Variants in GABRB1 observed in about 807,000 individuals in gnomAD.
GABRB1 encodes gamma-aminobutyric acid receptor subunit beta-1.
Under a neutral mutation model 51.6 loss-of-function variants are expected in GABRB1, and 17 were observed. That is an observed-to-expected ratio of 0.33 (90% CI 0.23 to 0.49). The LOEUF (loss-of-function observed/expected upper bound fraction) is 0.49. GABRB1 is among the 20% of genes least tolerant of loss of function. The probability of loss-of-function intolerance (pLI) is 0.99; values close to 1 mark genes in which losing one functional copy is unlikely to be tolerated. For missense variants in GABRB1, 410 were observed against 600.6 expected, an observed-to-expected ratio of 0.68 and a Z score of 3.32; for synonymous variants, 247 against 218.9, an observed-to-expected ratio of 1.13 and a Z score of -1.14.
intron 8 of GABRB1, among the ~76,000 whole-genome samples, chr4:47,424,812 T>C (rs1048367223): frequency 7.9e-5 from 12 of 152,134 alleles, no homozygotes; most frequent in Non-Finnish European, 1.3e-4. Context: ...TGTGCTCACA[T>C]TTTCTGTAGT....
intron 5 of GABRB1, among the ~76,000 whole-genome samples, chr4:47,324,049 T>A (rs541166015): frequency 5.3e-5 from 8 of 152,074 alleles, no homozygotes; most frequent in African/African-American, 1.9e-4. Flanking sequence ...GATGAAGGAA[T>A]CAGGTAGTGC....
At position 47,141,092 on chromosome 4, in the gene GABRB1, A is replaced by T. The variant is rs190327348; in HGVS notation, c.241-20157A>T. ...GTTAGAGTGTACAACAGTTTTTTTT[A>T]AAAAAAAACAACTAATATCGCTATA... is the stretch of plus-strand genomic sequence containing the variant. On this transcript the variant is annotated intron_variant, in intron 3 of 8. Transcript: ENST00000295454. 1.1e-3 allele frequency among the ~76,000 whole-genome samples: 165 copies of T among 151,488 alleles called. 1 individual carries two copies. Among genetic ancestry groups the T allele is most frequent in the African/African-American group, 1.9e-3 (77 of 41,396 alleles).
chr4:47,328,354 TGC>T (rs1725332364), intron 5 of GABRB1, among the ~76,000 whole-genome samples: 1 of 152,212 alleles, frequency 6.6e-6, no homozygotes, highest in Admixed American at 6.5e-5. Context: ...TTGTTGCCAT[TGC>T]TTTTGGTGTT....
chr4:47,425,774 T>C lies in GABRB1; in HGVS notation c.1181T>C (p.Met394Thr). ...AGCGTGAGCGACCCCAAGGCCACCATGTACTCCTATGACAGCGCCAGCATC... is the reference window on the plus strand; with the variant it reads ...AGCGTGAGCGACCCCAAGGCCACCACGTACTCCTATGACAGCGCCAGCATC... ...LTSVSDPKATMYSYDSASIQY... is the reference protein window; with the variant it reads ...LTSVSDPKATTYSYDSASIQY... Residue 394 changes from methionine to threonine, a missense_variant, in exon 9 of 9, where the codon ATG becomes ACG. This residue lies in a region of GABRB1 where 181 missense variants were observed against 195.6 expected (regional missense o/e 0.93). Transcript: ENST00000295454. 3 of 1,614,130 alleles carry C rather than the reference T, an allele frequency of 1.9e-6. No individual in the cohort carries two copies. The highest frequency in any genetic ancestry group is 4.5e-5 in the East Asian group (2 of 44,878).
intron 4 of GABRB1, among the ~76,000 whole-genome samples, chr4:47,317,867 C>T (rs756469394): frequency 1.3e-4 from 19 of 151,908 alleles, no homozygotes; most frequent in Non-Finnish European, 2.4e-4. Flanking sequence ...TATTCACATA[C>T]GGTGAATCAT....
chr4:47,423,612 G>A (rs1212694568), intron 8 of GABRB1, among the ~76,000 whole-genome samples: 1 of 152,182 alleles, frequency 6.6e-6, no homozygotes, highest in Admixed American at 6.5e-5. Flanking sequence ...AGGTGCCTAT[G>A]GGCAGGCAAA....
chr4:47,024,263 A>G (rs1725017452), intron 1 of GABRB1, among the ~76,000 whole-genome samples: 1 of 151,928 alleles, frequency 6.6e-6, no homozygotes, highest in Non-Finnish European at 1.5e-5. Context: ...TTTACTTCCT[A>G]TACTTCATGA....
At chr4:47,129,173 C>T (rs1250362339) in intron 3 of GABRB1, among the ~76,000 whole-genome samples, 1 of 152,090 alleles carries the variant, frequency 6.6e-6, no homozygotes, top group East Asian at 1.9e-4. Context: ...GGTGGAATAT[C>T]TCCATGTGAG....
At chr4:47,022,043 C>A (rs553856524) in intron 1 of GABRB1, among the ~76,000 whole-genome samples, 1 of 152,120 alleles carries the variant, frequency 6.6e-6, no homozygotes, top group East Asian at 1.9e-4. Flanking sequence ...CCTCCTCTAA[C>A]TCATAATTAG....
intron 4 of GABRB1, among the ~76,000 whole-genome samples, chr4:47,269,933 C>A (rs1722791660): frequency 7.6e-6 from 1 of 130,918 alleles, no homozygotes; most frequent in Non-Finnish European, 1.6e-5. Flanking sequence ...GTCAACTCTC[C>A]CTACACACAC....
Position 46,994,514 on chromosome 4 carries a change from C to CAGAG in GABRB1, c.-20+607_-20+610dup, listed in dbSNP as rs139375755. The CAGAG allele has an allele frequency of 1.9e-3, 229 of 120,982 alleles. 2 individuals carry two copies. The highest frequency in any genetic ancestry group is 6.8e-3 in the African/African-American group (212 of 31,094). 7.5% of individuals were successfully genotyped at this position (120,982 alleles called of 1,614,324 possible). On this transcript the variant is annotated intron_variant, in intron 1 of 3. Transcript: ENST00000513567. ...AGAGAGAGAGAGAGACAGAGAGAGA[C>CAGAG]AGAGAGAGAGAGAGAGAGAGAGGCA...
intron 3 of GABRB1, among the ~76,000 whole-genome samples, chr4:47,101,333 C>A (rs1469784649): frequency 6.6e-6 from 1 of 151,850 alleles, no homozygotes; most frequent in African/African-American, 2.4e-5. Context: ...AACCTCAAAA[C>A]AAGGGGAACA....
intron 4 of GABRB1, among the ~76,000 whole-genome samples, chr4:47,291,219 A>T (rs1723717793): frequency 6.6e-6 from 1 of 152,216 alleles, no homozygotes; most frequent in Admixed American, 6.5e-5. Context: ...CTGTTGCTCC[A>T]GAGGACGGAA....
intron 4 of GABRB1, among the ~76,000 whole-genome samples, chr4:47,299,367 T>G (rs1309728700): frequency 6.6e-6 from 1 of 152,128 alleles, no homozygotes; most frequent in East Asian, 1.9e-4. Flanking sequence ...CTCCAGAATC[T>G]ACGATGAACT....
chr4:47,089,322 T>C (rs1728203187), intron 3 of GABRB1, among the ~76,000 whole-genome samples: 1 of 152,174 alleles, frequency 6.6e-6, no homozygotes, highest in African/African-American at 2.4e-5. Flanking sequence ...TTTGCAATAG[T>C]ACCGGGACCT....
At position 47,117,301 on chromosome 4, in the gene GABRB1, C is replaced by T. The variant is rs182033047; in HGVS notation, c.241-43948C>T. ...TCGCTCATATAAAAATATTTAAAAT[C>T]CCTATATAATATGCATCCCTATATA... On this transcript the variant is annotated intron_variant, in intron 3 of 8. Coordinates refer to ENST00000295454, the MANE Select transcript of GABRB1 (RefSeq NM_000812.4). 1.4e-4 allele frequency among the ~76,000 whole-genome samples: 22 copies of T among 152,266 alleles called. No homozygotes were observed. The East Asian group carries it at 4.2e-3, about 29-fold the overall frequency.
chr4:47,132,651 C>T (rs544986048), intron 3 of GABRB1, among the ~76,000 whole-genome samples: 16 of 152,132 alleles, frequency 1.1e-4, no homozygotes, highest in Non-Finnish European at 2.2e-4. Context: ...ACTGGAAATA[C>T]TCAACAAATA....
At chr4:47,034,758 A>T (rs1454863507) in intron 3 of GABRB1, among the ~76,000 whole-genome samples, 5 of 152,190 alleles carry the variant, frequency 3.3e-5, no homozygotes, top group African/African-American at 4.8e-5. Flanking sequence ...TAATGTTTTT[A>T]AAATTGAGGG....
At chr4:47,145,949 A>T (rs1717152025) in intron 3 of GABRB1, among the ~76,000 whole-genome samples, 1 of 152,044 alleles carries the variant, frequency 6.6e-6, no homozygotes, top group African/African-American at 2.4e-5. Flanking sequence ...TTTCTTCTTA[A>T]AACTCTCCGT....
Sources: allele counts gnomAD v4.1 joint callset (sites outside exome capture counted in the v4.1 genomes callset), GRCh38; gene constraint gnomAD v4.1.1; regional missense constraint gnomAD v4.1.1; transcripts MANE v1.5; gene names NCBI Gene and HGNC (gene_info 2026-07-23, HGNC 2026-07-21).